Variants in FBXO32 observed in about 807,000 individuals in gnomAD.
The protein encoded by FBXO32 is F-box protein 32.
In FBXO32, 15 loss-of-function variants were observed where a neutral mutation model predicts 48.3. The ratio of observed to expected loss-of-function variants is 0.31; its 90% CI spans 0.21 to 0.48. FBXO32 has a LOEUF of 0.48. Among genes scored for constraint, FBXO32 ranks in the 20% least tolerant of loss-of-function variants. The pLI is 0.99. For missense variants in FBXO32, 309 were observed against 432.7 expected (o/e 0.71, Z 2.54); for synonymous variants, 154 against 165.9 (o/e 0.93, Z 0.55).
chr8:123,520,077 C>T (rs1193756335), intron 4 of FBXO32, among the ~76,000 whole-genome samples: 4 of 152,176 alleles, frequency 2.6e-5, no homozygotes, highest in African/African-American at 7.2e-5. Flanking sequence ...CGTAAGCCAT[C>T]GCGCACAGCC....
At chr8:123,536,514 C>A (rs1047627360) in intron 1 of FBXO32, among the ~76,000 whole-genome samples, 1 of 152,284 alleles carries the variant, frequency 6.6e-6, no homozygotes, top group Non-Finnish European at 1.5e-5. Flanking sequence ...TTTCAATCAA[C>A]GTTGAGAAAA....
At chr8:123,512,272 G>T (rs923363592) in intron 6 of FBXO32, among the ~76,000 whole-genome samples, 2 of 152,102 alleles carry the variant, frequency 1.3e-5, no homozygotes, top group African/African-American at 4.8e-5. Context: ...GTACAGAGAC[G>T]TAATTACCAG....
At chr8:123,528,958 C>G (rs747854886) in intron 4 of FBXO32, among the ~76,000 whole-genome samples, 7 of 152,104 alleles carry the variant, frequency 4.6e-5, no homozygotes, top group Non-Finnish European at 1.0e-4. Flanking sequence ...AATATACTGG[C>G]AAGCTACTTT....
Position 123,534,640 on chromosome 8 carries a change from C to T in FBXO32, c.229+62G>A, listed in dbSNP as rs1217520100. The T allele has an allele frequency of 6.4e-6, 7 of 1,089,106 alleles. No homozygotes were observed. The African/African-American group carries it at 9.4e-5, about 15-fold the overall frequency. 67.5% of individuals were successfully genotyped at this position (1,089,106 alleles called of 1,614,324 possible). A position where few individuals can be genotyped will look rare whatever the true frequency, so the allele number is the denominator to read the frequency against. ...ATGGGAGGTGTTATTTTTTTTCATC[C>T]AAGAACCAATCATAACTATCTTCAA... On this transcript the variant is annotated intron_variant, in intron 2 of 8. Coordinates refer to ENST00000517956, the MANE Select transcript of FBXO32 (RefSeq NM_058229.4).
intron 6 of FBXO32, among the ~76,000 whole-genome samples, chr8:123,508,184 A>G (rs16898473): frequency 0.11 from 16,542 of 152,182 alleles, 986 homozygotes; most frequent in African/African-American, 0.15. Flanking sequence ...AGGGGAAAAT[A>G]TCCTGAGAAT....
chr8:123,536,957 C>T, intron 1 of FBXO32, among the ~76,000 whole-genome samples: 1 of 152,172 alleles, frequency 6.6e-6, no homozygotes, highest in East Asian at 1.9e-4. Context: ...TGATGATGTT[C>T]TCTCACCGTA....
At chr8:123,533,407 C>T (rs1352177496) in intron 2 of FBXO32, among the ~76,000 whole-genome samples, 167 bp from the exon 3 acceptor site, 4 of 152,180 alleles carry the variant, frequency 2.6e-5, no homozygotes, top group Non-Finnish European at 5.9e-5. Flanking sequence ...TGTAGAAATA[C>T]TGGGGCTATA....
chr8:123,528,620 T>C (rs1181379604), intron 4 of FBXO32, among the ~76,000 whole-genome samples: 3 of 152,222 alleles, frequency 2.0e-5, no homozygotes, highest in Non-Finnish European at 4.4e-5. Flanking sequence ...AGAAATGTTA[T>C]ATAAACATCT....
rs765556476 is a variant in FBXO32, at chr8:123,506,600, T to TG, written c.652-27dup. On this transcript the variant is annotated intron_variant, in intron 6 of 8. Coordinates refer to ENST00000517956, the MANE Select transcript of FBXO32 (RefSeq NM_058229.4). This position sits in a 1 kb window ranked among gnomAD's most constrained non-coding sequence, Gnocchi z 4.0. ...CTGCAGAGAGAAGGGTGACAATAGG[T>TG]GGGGGGGCCAGAGAGCAGCGATTCA... The TG allele has an allele frequency of 1.1e-4, 165 of 1,556,100 alleles. 3 individuals are homozygous for TG. The South Asian group carries it at 1.1e-3, about 10-fold the overall frequency.
At chr8:123,532,821 C>T (rs1457656260) in intron 3 of FBXO32, among the ~76,000 whole-genome samples, 7 of 152,208 alleles carry the variant, frequency 4.6e-5, no homozygotes, top group South Asian at 4.1e-4. Flanking sequence ...TAGTGATTAG[C>T]GCTTCCAGGA....
intron 4 of FBXO32, among the ~76,000 whole-genome samples, chr8:123,520,945 T>G (rs1373773637): frequency 6.6e-6 from 1 of 152,220 alleles, no homozygotes; most frequent in Non-Finnish European, 1.5e-5. Flanking sequence ...TTCTCACCTC[T>G]GGGCCTTTGC....
Position 123,541,145 on chromosome 8 carries a change from G to T in FBXO32, c.-131C>A, listed in dbSNP as rs1166499956. On this transcript the variant is annotated 5_prime_UTR_variant, in exon 1 of 9. Coordinates refer to ENST00000517956, the MANE Select transcript of FBXO32 (RefSeq NM_058229.4). ...GCGGCGGGGCGGCGGGAACGGCGCG[G>T]GGCACCCTGCGGGGTGGCGGGCGCG... The T allele has an allele frequency of 2.2e-6, 1 of 453,106 alleles. No individual in the cohort carries two copies. The highest frequency in any genetic ancestry group is 3.7e-6 in the Non-Finnish European group (1 of 271,748). 28.1% of individuals were successfully genotyped at this position (453,106 alleles called of 1,614,324 possible). A position where few individuals can be genotyped will look rare whatever the true frequency, so the allele number is the denominator to read the frequency against.
At chr8:123,510,774 C>T (rs976240296) in intron 6 of FBXO32, among the ~76,000 whole-genome samples, 7 of 152,196 alleles carry the variant, frequency 4.6e-5, no homozygotes, top group African/African-American at 9.7e-5. Context: ...TGACTGTCTC[C>T]GGCTCTGTGC....
rs192482742 is a variant in FBXO32 at position 123,509,656 on chromosome 8, T to C, written c.652-3082A>G. Among the ~76,000 whole-genome samples, 872 of 152,184 alleles carry C rather than the reference T, an allele frequency of 5.7e-3. 9 individuals carry two copies. Among genetic ancestry groups the C allele is most frequent in the African/African-American group, 0.02 (822 of 41,496 alleles). On this transcript the variant is annotated intron_variant, in intron 6 of 8. Transcript: ENST00000517956. ...CCAAGGCTGCAGTGACCTAGGACCA[T>C]GCCACTGCACTCTAGCTTGGGCAAG...
intron 4 of FBXO32, among the ~76,000 whole-genome samples, chr8:123,528,704 A>G (rs1395827505): frequency 1.3e-5 from 2 of 152,300 alleles, no homozygotes; most frequent in Non-Finnish European, 2.9e-5. Flanking sequence ...AAAAATGATA[A>G]TATTTTGAGA....
intron 8 of FBXO32, 45 bp from the exon 9 acceptor site, chr8:123,503,507 CT>C (rs1164623766): frequency 6.5e-7 from 1 of 1,539,536 alleles, no homozygotes; most frequent in Non-Finnish European, 9.0e-7. Context: ...AGAGGCCTCT[CT>C]TTGGCTTTTA....
chr8:123,531,218 G>C (rs540572516), intron 4 of FBXO32, among the ~76,000 whole-genome samples: 90 of 151,530 alleles, frequency 5.9e-4, no homozygotes, highest in African/African-American at 2.2e-3. Context: ...CTGACCTCAG[G>C]TGATCCGCCC....
intron 7 of FBXO32, among the ~76,000 whole-genome samples, chr8:123,505,081 G>A (rs1000881280): frequency 6.6e-6 from 1 of 152,204 alleles, no homozygotes; most frequent in Non-Finnish European, 1.5e-5. Context: ...TTTCTTTGCT[G>A]TAGACTTGAG....
At chr8:123,538,675 G>A (rs1817355466) in intron 1 of FBXO32, among the ~76,000 whole-genome samples, 1 of 152,198 alleles carries the variant, frequency 6.6e-6, no homozygotes, top group Non-Finnish European at 1.5e-5. Context: ...ACAGCCAGCT[G>A]CTTTGCTAGG....
Sources: gnomAD v4.1 joint callset for allele counts (sites outside exome capture counted in the v4.1 genomes callset) on GRCh38, gnomAD v4.1.1 for gene constraint, Gnocchi (gnomAD v3.1) non-coding constraint, MANE v1.5 for transcripts, NCBI Gene and HGNC (gene_info 2026-07-23, HGNC 2026-07-21) for gene names.